Variants in GOLGB1 observed in about 807,000 individuals in gnomAD.
GOLGB1 encodes golgin subfamily B member 1.
A neutral mutation model predicts 336.9 loss-of-function variants in GOLGB1; 174 were observed. That is an observed-to-expected ratio of 0.52 (90% CI 0.46 to 0.59). GOLGB1 has a LOEUF of 0.59. Among genes scored for constraint, GOLGB1 ranks in the 20% least tolerant of loss-of-function variants. The pLI is 0.00. For synonymous variants in GOLGB1, 1,208 were observed against 1,289.2 expected, an observed-to-expected ratio of 0.94 and a Z score of 1.35; for missense variants, 3,331 against 3,645.3, an observed-to-expected ratio of 0.91 and a Z score of 2.22.
chr3:121,727,420 C>T (rs1945762482), intron 4 of GOLGB1, among the ~76,000 whole-genome samples: 1 of 139,244 alleles, frequency 7.2e-6, no homozygotes, highest in Admixed American at 7.7e-5. Flanking sequence ...TACTGGAGAG[C>T]AACCAAAAGC....
In GOLGB1 at chr3:121,694,572, T is replaced by C. The variant is rs754640500; in HGVS notation, c.5951A>G (p.Lys1984Arg). 61 of 1,612,542 alleles carry C rather than the reference T, an allele frequency of 3.8e-5. No homozygotes were observed. Among genetic ancestry groups the C allele is most frequent in the Non-Finnish European group, 5.0e-5 (59 of 1,179,988 alleles). Residue 1984 changes from lysine to arginine, a missense_variant, in exon 13 of 22, where the codon AAA becomes AGA. Physicochemically the swap from Lys to Arg is conservative, Grantham distance 26. Coordinates refer to ENST00000614479, the MANE Select transcript of GOLGB1 (RefSeq NM_001366282.2). The part of the protein sequence containing the change: ...EEEKQQLVKE[K>R]TKVESEIRKE... ...TCGTATTTCTGATTCCACCTTAGTT[T>C]TTTCCTTGACTAACTGCTGCTTTTC...
Position 121,669,368 on chromosome 3 carries a change from C to G in GOLGB1, c.9178-13G>C. On this transcript the variant is annotated splice_polypyrimidine_tract_variant and intron_variant, in intron 17 of 21. Coordinates refer to ENST00000614479, the MANE Select transcript of GOLGB1 (RefSeq NM_001366282.2). The stretch of plus-strand genomic sequence containing the variant: ...GTAGCTGAGAGAACTGAAACAGAGG[C>G]GAGGATAAGCATCATCCTGCAGTAC... The G allele has an allele frequency of 6.2e-7, 1 of 1,611,184 alleles. No homozygotes were observed. Among genetic ancestry groups the G allele is most frequent in the Admixed American group, 1.7e-5 (1 of 59,962 alleles).
At chr3:121,725,971 TGTAA>T (rs1439331416) in intron 5 of GOLGB1, among the ~76,000 whole-genome samples, 1 of 148,318 alleles carries the variant, frequency 6.7e-6, no homozygotes, top group African/African-American at 2.5e-5. Context: ...CCTCCATAAA[TGTAA>T]GAAATAAATT....
Position 121,716,844 on chromosome 3 carries a change from T to C in GOLGB1, c.1181A>G (p.Gln394Arg). ...SHILSLQKTGQELQSACDALK... is the reference protein window; with the variant it reads ...SHILSLQKTGRELQSACDALK... ...AGCATCACAGGCAGACTGCAGCTCT[T>C]GTCCAGTCTTTTGAAGACTCAAAAT... Residue 394 changes from glutamine to arginine, a missense_variant, in exon 9 of 22, where the codon CAA becomes CGA. Coordinates refer to ENST00000614479, the MANE Select transcript of GOLGB1 (RefSeq NM_001366282.2). The C allele has an allele frequency of 6.2e-7, 1 of 1,612,984 alleles. No homozygotes were observed. The highest frequency in any genetic ancestry group is 8.5e-7 in the Non-Finnish European group (1 of 1,178,930).
intron 12 of GOLGB1, among the ~76,000 whole-genome samples, chr3:121,699,363 A>G (rs2107884570): frequency 6.6e-6 from 1 of 152,284 alleles, no homozygotes. Context: ...CGCAGCTAAC[A>G]ATACTCTTAA....
At position 121,694,569 on chromosome 3, in the gene GOLGB1, G is replaced by A; in HGVS notation, c.5954C>T (p.Thr1985Ile). The stretch of plus-strand genomic sequence containing the variant: ...CTTTCGTATTTCTGATTCCACCTTA[G>A]TTTTTTCCTTGACTAACTGCTGCTT... ...EEKQQLVKEK[T>I]KVESEIRKEY... The change falls in exon 13 of 22, where the codon ACT (threonine) becomes ATT (isoleucine). Residue 1985 changes from threonine to isoleucine, a missense_variant. Coordinates refer to ENST00000614479, the MANE Select transcript of GOLGB1 (RefSeq NM_001366282.2). The A allele has an allele frequency of 6.2e-7, 1 of 1,612,452 alleles. No homozygotes were observed. Among genetic ancestry groups the A allele is most frequent in the South Asian group, 1.1e-5 (1 of 91,064 alleles).
rs750134374 is a variant in GOLGB1 at position 121,691,253 on chromosome 3, T to C, written c.8111A>G (p.Glu2704Gly). The change falls in exon 14 of 22, where the codon GAA becomes GGA. Residue 2704 changes from glutamate (E) to glycine (G), a missense_variant. By Grantham distance (98) the Glu-to-Gly change is moderately conservative. Transcript: ENST00000614479. ...CTCTGCCACTCTCTCTTCTGCTGTTTCAGTTTCATTTCTCATTATCCCTGC... is the reference window on the plus strand; with the variant it reads ...CTCTGCCACTCTCTCTTCTGCTGTTCCAGTTTCATTTCTCATTATCCCTGC... ...HDAGIMRNET[E>G]TAEERVAELA... 6.2e-7 allele frequency: 1 copy of C among 1,613,922 alleles called. No individual in the cohort carries two copies. Among genetic ancestry groups the C allele is most frequent in the African/African-American group, 1.3e-5 (1 of 74,936 alleles).
At chr3:121,665,324 A>G (rs564085558) in intron 20 of GOLGB1, among the ~76,000 whole-genome samples, 20 of 152,320 alleles carry the variant, frequency 1.3e-4, no homozygotes, top group Admixed American at 2.0e-4. Flanking sequence ...TGGTCTTATT[A>G]TCTTCAAAGT....
chr3:121,681,163 C>T (rs1323662820), intron 15 of GOLGB1, among the ~76,000 whole-genome samples: 1 of 152,094 alleles, frequency 6.6e-6, no homozygotes, highest in Admixed American at 6.5e-5. Flanking sequence ...ACTATTGATA[C>T]ATACAACAAA....
rs368248093 is a variant in GOLGB1, at chr3:121,664,709, A to G, written c.9661-95T>C. ...CTTGCACTTAAGCAAAGCTGACCCA[A>G]CCACTGTAGAAAGGGGTATTCTGAG... is the stretch of plus-strand genomic sequence containing the variant. On this transcript the variant is annotated intron_variant, in intron 21 of 21. Coordinates refer to ENST00000614479, the MANE Select transcript of GOLGB1 (RefSeq NM_001366282.2). 248 of 1,210,528 alleles carry G rather than the reference A, an allele frequency of 2.0e-4. 3 individuals are homozygous for G. The East Asian group carries it at 3.9e-3, about 19-fold the overall frequency. 75.0% of individuals were successfully genotyped at this position (1,210,528 alleles called of 1,614,324 possible). A position where few individuals can be genotyped will look rare whatever the true frequency, so the allele number is the denominator to read the frequency against.
At chr3:121,675,771 T>G (rs1404719421) in intron 17 of GOLGB1, among the ~76,000 whole-genome samples, 1 of 152,244 alleles carries the variant, frequency 6.6e-6, no homozygotes, top group Non-Finnish European at 1.5e-5. Context: ...AAAAATTTTT[T>G]TTAGTTGTTG....
rs138940255 is a variant in GOLGB1 at position 121,682,294 on chromosome 3, A to G, written c.8695-429T>C. Reference sequence around the variant, plus strand: ...ATCAATCTTAACTGTAGCTTAGCGGATACTGATTATAAAGAAGGCAGTGCT... The same window carrying G: ...ATCAATCTTAACTGTAGCTTAGCGGGTACTGATTATAAAGAAGGCAGTGCT... On this transcript the variant is annotated intron_variant, in intron 14 of 21. Transcript: ENST00000614479. 1.1e-3 allele frequency among the ~76,000 whole-genome samples: 173 copies of G among 152,310 alleles called. 2 individuals are homozygous for G. Among genetic ancestry groups the G allele is most frequent in the African/African-American group, 4.0e-3 (165 of 41,572 alleles).
At chr3:121,715,927 G>C (rs1944731166) in intron 9 of GOLGB1, among the ~76,000 whole-genome samples, 1 of 151,648 alleles carries the variant, frequency 6.6e-6, no homozygotes, top group Admixed American at 6.6e-5. Context: ...AGGAGGCAGA[G>C]GTTGCAGTGA....
At chr3:121,708,304 G>A (rs1201730313) in intron 10 of GOLGB1, among the ~76,000 whole-genome samples, 1 of 152,108 alleles carries the variant, frequency 6.6e-6, no homozygotes, top group East Asian at 1.9e-4. Context: ...TGATGAATAT[G>A]TTCATTTTCT....
Position 121,702,538 on chromosome 3 carries a change from C to A in GOLGB1, c.1462G>T (p.Glu488Ter). Residue 488 changes from glutamate to a stop codon, truncating the protein, a stop_gained, in exon 11 of 22, where the codon GAA becomes TAA. Transcript: ENST00000614479. LOFTEE classifies it high-confidence loss of function. ...LQKRVVELEN[E>*]KGALLLSSIE... ...GAACTAAGGAGCAAGGCTCCCTTTT[C>A]ATTCTCTAGTTCTACCACTCTCTTC... 6.4e-7 allele frequency: 1 copy of A among 1,553,006 alleles called. No individual in the cohort carries two copies. Among genetic ancestry groups the A allele is most frequent in the Non-Finnish European group, 8.7e-7 (1 of 1,150,928 alleles).
chr3:121,727,361 G>A lies in GOLGB1; in HGVS notation c.403-320C>T, dbSNP rs1226257727. ...TTTTTTTTTTTTTCCCTCACACCAAGCATGTGAACCCAAAACTGTGGACAA... is the reference window on the plus strand; with the variant it reads ...TTTTTTTTTTTTTCCCTCACACCAAACATGTGAACCCAAAACTGTGGACAA... On this transcript the variant is annotated intron_variant, in intron 4 of 21. Transcript: ENST00000614479. 1.4e-4 allele frequency among the ~76,000 whole-genome samples: 14 copies of A among 103,484 alleles called. 1 individual carries two copies. The Admixed American group carries it at 2.0e-3, about 15-fold the overall frequency. The allele number at this position is 103,484 out of a possible 152,430, so 67.9% of individuals were successfully genotyped here.
Position 121,697,170 on chromosome 3 carries a change from G to C in GOLGB1, c.3353C>G (p.Ala1118Gly), listed in dbSNP as rs1289304885. The C allele has an allele frequency of 6.2e-7, 1 of 1,613,952 alleles. No individual in the cohort carries two copies. The highest frequency in any genetic ancestry group is 8.5e-7 in the Non-Finnish European group (1 of 1,179,936). The change falls in exon 13 of 22, where the codon GCA (alanine) becomes GGA (glycine). Residue 1118 changes from alanine to glycine, a missense_variant. Transcript: ENST00000614479. ...AATTGCTTGGTTTTCACTGATTTCTGCTTGGAGCAAATCTATTTGGTTTGT... is the reference window on the plus strand; with the variant it reads ...AATTGCTTGGTTTTCACTGATTTCTCCTTGGAGCAAATCTATTTGGTTTGT... ...DKTNQIDLLQ[A>G]EISENQAIIQ...
rs1938403205 is a variant in GOLGB1, at chr3:121,665,000, TCCGGGAA to T, written c.9579_9585del (p.Ser3194LeufsTer15). 6.2e-7 allele frequency: 1 copy of T among 1,610,524 alleles called. No individual in the cohort carries two copies. The highest frequency in any genetic ancestry group is 8.5e-7 in the Non-Finnish European group (1 of 1,176,906). Reference sequence around the variant, plus strand: ...GTGCCACAGGAGCCAATGATAGGAGTCCGGGAAGAGTCCCATTCACTGTGCTCTAACC... The same window carrying T: ...GTGCCACAGGAGCCAATGATAGGAGTGAGTCCCATTCACTGTGCTCTAACC... On this transcript the variant is annotated frameshift_variant, in exon 21 of 22. Coordinates refer to ENST00000614479, the MANE Select transcript of GOLGB1 (RefSeq NM_001366282.2). LOFTEE classifies it high-confidence loss of function.
At position 121,694,350 on chromosome 3, in the gene GOLGB1, TG is replaced by T. The variant is rs1942745922; in HGVS notation, c.6172del (p.Gln2058LysfsTer6). 6.2e-7 allele frequency: 1 copy of T among 1,612,096 alleles called. No homozygotes were observed. ...KALEFVQTES[Q>X]KDLEITKENL... ...TTCTTTGGTTATTTCCAAATCTTTT[TG>T]AGATTCAGTTTGAACAAATTCTAGA... On this transcript the variant is annotated frameshift_variant, in exon 13 of 22. Coordinates refer to ENST00000614479, the MANE Select transcript of GOLGB1 (RefSeq NM_001366282.2). LOFTEE classifies it high-confidence loss of function.
Sources: allele counts gnomAD v4.1 joint callset (sites outside exome capture counted in the v4.1 genomes callset), GRCh38; gene constraint gnomAD v4.1.1; transcripts MANE v1.5; gene names NCBI Gene and HGNC (gene_info 2026-07-23, HGNC 2026-07-21).